FHIT: variants seen among roughly 807,000 people sequenced by gnomAD.
FHIT encodes the protein bis(5'-adenosyl)-triphosphatase.
In FHIT, 19 loss-of-function variants were observed where a neutral mutation model predicts 17.9. That is an observed-to-expected ratio of 1.06 (90% CI 0.74 to 1.56). FHIT has a LOEUF of 1.56. Ranked by LOEUF, FHIT falls within the 40% of genes most tolerant of loss-of-function variation. The probability of loss-of-function intolerance (pLI) is 0.00; values close to 1 mark genes in which losing one functional copy is unlikely to be tolerated. For synonymous variants in FHIT, 81 were observed against 69.7 expected, an observed-to-expected ratio of 1.16 and a Z score of -0.81; for missense variants, 248 against 189.2, an observed-to-expected ratio of 1.31 and a Z score of -1.82.
At chr3:59,963,458 G>A (rs999963599) in intron 7 of FHIT, among the ~76,000 whole-genome samples, 1 of 151,882 alleles carries the variant, frequency 6.6e-6, no homozygotes, top group African/African-American at 2.4e-5. Flanking sequence ...TTTGTTACAT[G>A]AGAGAGAGAA....
intron 5 of FHIT, among the ~76,000 whole-genome samples, chr3:60,077,146 C>A (rs778706908): frequency 1.3e-5 from 2 of 151,900 alleles, no homozygotes; most frequent in African/African-American, 4.8e-5. Flanking sequence ...TTCAAGGACT[C>A]TGAAGTATAT....
At chr3:60,828,020 G>A (rs1462852736) in intron 3 of FHIT, among the ~76,000 whole-genome samples, 1 of 152,182 alleles carries the variant, frequency 6.6e-6, no homozygotes, top group Non-Finnish European at 1.5e-5. Context: ...AAGGACATGG[G>A]TTTGAATCCT....
intron 4 of FHIT, among the ~76,000 whole-genome samples, chr3:60,771,342 T>TA (rs1180357506): frequency 1.3e-5 from 2 of 152,252 alleles, no homozygotes; most frequent in Non-Finnish European, 2.9e-5. Flanking sequence ...TTTTTTGAGT[T>TA]ACACTTTGCA....
At chr3:60,384,871 A>G (rs1317348319) in intron 5 of FHIT, among the ~76,000 whole-genome samples, 1 of 151,788 alleles carries the variant, frequency 6.6e-6, no homozygotes, top group East Asian at 1.9e-4. Context: ...GAAATCATTT[A>G]TATAAAAACC....
chr3:60,371,210 G>A (rs191451404), intron 5 of FHIT, among the ~76,000 whole-genome samples: 106 of 152,266 alleles, frequency 7.0e-4, no homozygotes, highest in African/African-American at 2.3e-3. Flanking sequence ...TATGTGGAGG[G>A]AGCATAACAA....
At chr3:60,147,331 T>C (rs1700281515) in intron 5 of FHIT, among the ~76,000 whole-genome samples, 1 of 152,170 alleles carries the variant, frequency 6.6e-6, no homozygotes, top group Non-Finnish European at 1.5e-5. Context: ...TAAGAACTCT[T>C]AATTCAAACT....
intron 5 of FHIT, among the ~76,000 whole-genome samples, chr3:60,371,134 A>G (rs1162119739): frequency 1.3e-5 from 2 of 152,126 alleles, no homozygotes; most frequent in Admixed American, 6.5e-5. Context: ...TGTTGTTCCA[A>G]TCTGTTTATT....
chr3:60,444,644 A>G (rs927471410), intron 5 of FHIT, among the ~76,000 whole-genome samples: 1 of 152,090 alleles, frequency 6.6e-6, no homozygotes, highest in Non-Finnish European at 1.5e-5. Flanking sequence ...GAATTGAACA[A>G]TGAGAACACC....
intron 5 of FHIT, among the ~76,000 whole-genome samples, chr3:60,404,562 T>C (rs571337314): frequency 6.6e-6 from 1 of 152,252 alleles, no homozygotes; most frequent in African/African-American, 2.4e-5. Context: ...TACAGATAGC[T>C]CTTTGATCCT....
chr3:61,159,725 GGTTT>G (rs1246787016), intron 2 of FHIT, among the ~76,000 whole-genome samples: 1 of 152,092 alleles, frequency 6.6e-6, no homozygotes, highest in Admixed American at 6.6e-5. Flanking sequence ...TTCAATTTTT[GGTTT>G]GTTTGTTTTG....
At chr3:60,922,771 T>G (rs7645482) in intron 3 of FHIT, among the ~76,000 whole-genome samples, 91,599 of 151,940 alleles carry the variant, frequency 0.6, 27,948 homozygotes, top group East Asian at 0.73. Context: ...GAAAAATTCT[T>G]ACAGTTAACT....
intron 8 of FHIT, among the ~76,000 whole-genome samples, chr3:59,851,632 A>G (rs1050649797): frequency 6.6e-6 from 1 of 152,062 alleles, no homozygotes; most frequent in African/African-American, 2.4e-5. Flanking sequence ...AGCTCATTTC[A>G]CCCCTCAGTC....
intron 2 of FHIT, among the ~76,000 whole-genome samples, chr3:61,090,377 T>C (rs1008228146): frequency 6.6e-6 from 1 of 152,252 alleles, no homozygotes; most frequent in African/African-American, 2.4e-5. Flanking sequence ...CAACTGTGTA[T>C]GCAAGGAGTG....
At chr3:60,974,196 T>C (rs982444133) in intron 3 of FHIT, among the ~76,000 whole-genome samples, 2 of 152,216 alleles carry the variant, frequency 1.3e-5, no homozygotes, top group African/African-American at 4.8e-5. Flanking sequence ...CAGTAACATT[T>C]CCCATTTTTC....
At chr3:59,910,429 G>A (rs1346392485) in intron 8 of FHIT, among the ~76,000 whole-genome samples, 1 of 152,136 alleles carries the variant, frequency 6.6e-6, no homozygotes, top group African/African-American at 2.4e-5. Context: ...ACTTTTCCCT[G>A]TAGCTTAGTG....
intron 2 of FHIT, among the ~76,000 whole-genome samples, chr3:61,141,389 C>T (rs959328422): frequency 1.3e-5 from 2 of 152,066 alleles, no homozygotes; most frequent in Admixed American, 6.5e-5. Context: ...CTTAGTCATC[C>T]GCTCCTTTCA....
intron 1 of FHIT, among the ~76,000 whole-genome samples, chr3:61,226,278 C>T (rs997016772): frequency 5.9e-5 from 9 of 152,096 alleles, no homozygotes; most frequent in African/African-American, 1.7e-4. Context: ...TAACGGGAAA[C>T]ACTTCCCAAG....
intron 5 of FHIT, among the ~76,000 whole-genome samples, chr3:60,142,111 G>A (rs1700061210): frequency 6.6e-6 from 1 of 152,126 alleles, no homozygotes; most frequent in East Asian, 1.9e-4. Flanking sequence ...TTTTCTTTTA[G>A]CATATCAATA....
intron 7 of FHIT, among the ~76,000 whole-genome samples, chr3:59,942,706 T>C (rs1228617057): frequency 6.6e-6 from 1 of 152,148 alleles, no homozygotes; most frequent in Non-Finnish European, 1.5e-5. Context: ...TGGAGTGCAG[T>C]GGTGCAATCA....
Sources: allele counts gnomAD v4.1 joint callset (sites outside exome capture counted in the v4.1 genomes callset), GRCh38; gene constraint gnomAD v4.1.1; transcripts MANE v1.5; gene names NCBI Gene and HGNC (gene_info 2026-07-23, HGNC 2026-07-21).